LDLRAD4: variants seen among roughly 807,000 people sequenced by gnomAD.
The protein encoded by LDLRAD4 is low-density lipoprotein receptor class A domain-containing protein 4.
Under a neutral mutation model 17.0 loss-of-function variants are expected in LDLRAD4, and 5 were observed. The observed-to-expected ratio is 0.29, with a 90% confidence interval of 0.15 to 0.62. LDLRAD4 has a LOEUF of 0.62. LDLRAD4 is among the 20% of genes least tolerant of loss of function. The pLI, the probability that LDLRAD4 is intolerant of heterozygous loss-of-function variation, is 0.84. For missense variants in LDLRAD4, 340 were observed against 424.7 expected (o/e 0.80, Z 1.75); for synonymous variants, 168 against 171.8 (o/e 0.98, Z 0.17).
intron 3 of LDLRAD4, chr18:13,490,175 G>C (rs893518706): frequency 6.6e-6 from 1 of 152,130 alleles, no homozygotes; most frequent in Non-Finnish European, 1.5e-5. Flanking sequence ...ACTGTGGTCT[G>C]CTTATTATAT....
intron 2 of LDLRAD4, among the ~76,000 whole-genome samples, chr18:13,432,856 A>G (rs558302670): frequency 6.6e-6 from 1 of 152,300 alleles, no homozygotes; most frequent in African/African-American, 2.4e-5. Context: ...AGCTGAGACT[A>G]TAGGCACATG....
intron 1 of LDLRAD4, among the ~76,000 whole-genome samples, chr18:13,230,129 A>C (rs867706004): frequency 1.1e-4 from 16 of 152,252 alleles, no homozygotes; most frequent in African/African-American, 1.7e-4. Context: ...AGGCCGGAGG[A>C]GCTTGTTCAC....
At chr18:13,596,630 A>C (rs554761075) in intron 3 of LDLRAD4, among the ~76,000 whole-genome samples, 1 of 152,170 alleles carries the variant, frequency 6.6e-6, no homozygotes, top group Non-Finnish European at 1.5e-5. Flanking sequence ...TTACAAACCT[A>C]ACAATACATT....
chr18:13,415,882 T>G (rs2088847290), intron 2 of LDLRAD4, among the ~76,000 whole-genome samples: 1 of 152,210 alleles, frequency 6.6e-6, no homozygotes, highest in Non-Finnish European at 1.5e-5. Context: ...GCTCCTTCTT[T>G]GAAGCTGTGT....
intron 3 of LDLRAD4, among the ~76,000 whole-genome samples, chr18:13,557,695 C>T (rs1250497637): frequency 3.3e-5 from 5 of 152,176 alleles, no homozygotes; most frequent in African/African-American, 7.2e-5. Flanking sequence ...CCACCACAGC[C>T]GGCCTAGACA....
intron 2 of LDLRAD4, among the ~76,000 whole-genome samples, chr18:13,403,894 C>T (rs1365589439): frequency 3.3e-5 from 5 of 152,154 alleles, no homozygotes; most frequent in South Asian, 4.1e-4. Context: ...ACTGGCGGGA[C>T]GATGTTTGGG....
intron 1 of LDLRAD4, among the ~76,000 whole-genome samples, chr18:13,361,758 A>G (rs1373511343): frequency 1.3e-5 from 2 of 152,078 alleles, no homozygotes; most frequent in Non-Finnish European, 2.9e-5. Context: ...AATGAGTTGC[A>G]TGTTTTCCAT....
intron 3 of LDLRAD4, among the ~76,000 whole-genome samples, chr18:13,583,919 C>T (rs1281378207): frequency 6.6e-6 from 1 of 152,180 alleles, no homozygotes; most frequent in Non-Finnish European, 1.5e-5. Context: ...AGCGGGGTCA[C>T]CTCGCCCTGC....
At chr18:13,345,779 A>T (rs977054943) in intron 1 of LDLRAD4, among the ~76,000 whole-genome samples, 5 of 152,090 alleles carry the variant, frequency 3.3e-5, no homozygotes, top group South Asian at 2.1e-4. Context: ...CTATTCAGAG[A>T]TTCAACTTCT....
intron 3 of LDLRAD4, chr18:13,543,216 T>G (rs1484180488): frequency 6.6e-6 from 1 of 152,342 alleles, no homozygotes; most frequent in Admixed American, 6.5e-5. Context: ...CAGCTTTTTG[T>G]GCCCTTTAGG....
chr18:13,635,945 G>A (rs1199664715), intron 4 of LDLRAD4, among the ~76,000 whole-genome samples: 1 of 151,684 alleles, frequency 6.6e-6, no homozygotes, highest in Admixed American at 6.6e-5. Context: ...GTGTGTGTGT[G>A]TGTGTGTGTG....
intron 3 of LDLRAD4, among the ~76,000 whole-genome samples, chr18:13,513,451 TAAG>T (rs1600991225): frequency 6.6e-6 from 1 of 152,226 alleles, no homozygotes; most frequent in African/African-American, 2.4e-5. Flanking sequence ...CTTATATAGT[TAAG>T]AAGTTATTAA....
In LDLRAD4 at chr18:13,448,702, C is replaced by T. The variant is rs77254600; in HGVS notation, c.181+10318C>T. 2.1e-4 allele frequency among the ~76,000 whole-genome samples: 32 copies of T among 151,750 alleles called. No homozygotes were observed. In the East Asian group the frequency reaches 5.4e-3, roughly 26 times the overall value. ...GGAGGTGACGCAGCAGCTTGCCGTTCGGCTGGGAGGTGCTTTGTCGCTTGG... is the reference window on the plus strand; with the variant it reads ...GGAGGTGACGCAGCAGCTTGCCGTTTGGCTGGGAGGTGCTTTGTCGCTTGG... On this transcript the variant is annotated intron_variant, in intron 3 of 5. Transcript: ENST00000359446.
At chr18:13,231,450 G>T (rs1034127306) in intron 1 of LDLRAD4, among the ~76,000 whole-genome samples, 1 of 152,170 alleles carries the variant, frequency 6.6e-6, no homozygotes, top group Non-Finnish European at 1.5e-5. Context: ...TCTGGTTCTG[G>T]TGTGGAGCGT....
chr18:13,422,078 TTATC>T (rs1432829629), intron 2 of LDLRAD4, among the ~76,000 whole-genome samples: 1 of 152,238 alleles, frequency 6.6e-6, no homozygotes, highest in East Asian at 1.9e-4. Flanking sequence ...CAGTTACCGT[TTATC>T]TAAGTATTAC....
intron 1 of LDLRAD4, among the ~76,000 whole-genome samples, chr18:13,263,653 C>T (rs558328291): frequency 6.6e-6 from 1 of 152,272 alleles, no homozygotes; most frequent in Non-Finnish European, 1.5e-5. Context: ...ATTTCTCCAT[C>T]GATAAAAGGA....
At chr18:13,379,927 G>A (rs1272344214) in intron 1 of LDLRAD4, among the ~76,000 whole-genome samples, 1 of 152,186 alleles carries the variant, frequency 6.6e-6, no homozygotes, top group Non-Finnish European at 1.5e-5. Context: ...GAAAGCTGGA[G>A]TGGGGGAGAT....
At chr18:13,468,121 G>T (rs1294807163) in intron 3 of LDLRAD4, among the ~76,000 whole-genome samples, 2 of 149,346 alleles carry the variant, frequency 1.3e-5, no homozygotes, top group African/African-American at 4.9e-5. Flanking sequence ...AACAACAAAA[G>T]AAAAAAAAAC....
chr18:13,248,080 C>A (rs1317120065), intron 1 of LDLRAD4, among the ~76,000 whole-genome samples: 2 of 151,898 alleles, frequency 1.3e-5, no homozygotes, highest in African/African-American at 4.8e-5. Flanking sequence ...ACTGCCTCAG[C>A]CTCCTGAGTA....
Sources: gnomAD v4.1 joint callset for allele counts (sites outside exome capture counted in the v4.1 genomes callset) on GRCh38, gnomAD v4.1.1 for gene constraint, MANE v1.5 for transcripts, NCBI Gene and HGNC (gene_info 2026-07-23, HGNC 2026-07-21) for gene names.